NBR1: variants seen among roughly 807,000 people sequenced by gnomAD.
NBR1 encodes NBR1 autophagy cargo receptor.
Under a neutral mutation model 115.5 loss-of-function variants are expected in NBR1, and 59 were observed. The observed-to-expected ratio is 0.51, with a 90% confidence interval of 0.41 to 0.63. The LOEUF (loss-of-function observed/expected upper bound fraction) is 0.63, where lower values mean the gene tolerates loss of function less well. Ranked by LOEUF, NBR1 falls within the 30% of genes least tolerant of loss-of-function variation. The pLI is 0.00. For missense variants in NBR1, 1,043 were observed against 1,150.5 expected (o/e 0.91, Z 1.35); for synonymous variants, 373 against 414.7 (o/e 0.90, Z 1.22).
chr17:43,199,491 C>T (rs529802156), intron 16 of NBR1, among the ~76,000 whole-genome samples: 12 of 152,124 alleles, frequency 7.9e-5, no homozygotes, highest in African/African-American at 2.9e-4. Context: ...TCTCCTGCCT[C>T]AGCCTCCCGA....
chr17:43,185,812 CAT>C (rs1167839254), intron 5 of NBR1, among the ~76,000 whole-genome samples: 6 of 152,112 alleles, frequency 3.9e-5, no homozygotes, highest in East Asian at 3.9e-4. Flanking sequence ...GCCTAGCCAA[CAT>C]AGTGAAACCC....
At chr17:43,209,071 A>C in intron 20 of NBR1, among the ~76,000 whole-genome samples, 1 of 150,772 alleles carries the variant, frequency 6.6e-6, no homozygotes. Flanking sequence ...ACTTCCTCTT[A>C]CCTATTCTTG....
intron 13 of NBR1, 142 bp from the exon 14 acceptor site, chr17:43,194,822 T>C (rs2057029995): frequency 1.5e-6 from 1 of 669,614 alleles, no homozygotes; most frequent in East Asian, 2.8e-5. Context: ...CCCATTTAAC[T>C]CTTCTTGTTT....
At position 43,203,791 on chromosome 17, in the gene NBR1, G is replaced by T; in HGVS notation, c.2727+5G>T. 6.5e-7 allele frequency: 1 copy of T among 1,546,348 alleles called. No individual in the cohort carries two copies. The highest frequency in any genetic ancestry group is 1.9e-5 in the Admixed American group (1 of 52,210). ...GGGCCACCAGTCACTGCACAGGTCA[G>T]TGTGTGTGTTTTATTTTCCTGAATC... On this transcript the variant is annotated splice_donor_5th_base_variant and intron_variant, in intron 20 of 20. Transcript: ENST00000590996.
Position 43,200,368 on chromosome 17 carries a change from G to C in NBR1, c.2228G>C (p.Ser743Thr), listed in dbSNP as rs780064051. ...ATCCTGCCTGAGTGCTTTGATACCAGCCGCCCCCTGGGGGATTCTATGTAC... is the reference window on the plus strand; with the variant it reads ...ATCCTGCCTGAGTGCTTTGATACCACCCGCCCCCTGGGGGATTCTATGTAC... ...IIILPECFDT[S>T]RPLGDSMYSS... is the part of the protein sequence containing the mutation. The change falls in exon 17 of 21, where the codon AGC becomes ACC. Residue 743 changes from serine (S) to threonine (T), a missense_variant. Transcript: ENST00000590996. 8 of 1,565,718 alleles carry C rather than the reference G, an allele frequency of 5.1e-6. No homozygotes were observed. The highest frequency in any genetic ancestry group is 6.9e-6 in the Non-Finnish European group (8 of 1,155,202).
chr17:43,186,239 T>C lies in NBR1; in HGVS notation c.208-11T>C. ...CGTCGCATGTTTTTGTTTCATAATG[T>C]ATGCTCTTAGATGGCAGTTAAACAG... On this transcript the variant is annotated splice_polypyrimidine_tract_variant and intron_variant, in intron 5 of 20. Transcript: ENST00000590996. 1 of 1,555,132 alleles carries C rather than the reference T, an allele frequency of 6.4e-7. No homozygotes were observed. The highest frequency in any genetic ancestry group is 2.4e-5 in the East Asian group (1 of 41,640).
intron 2 of NBR1, 27 bp from the exon 3 acceptor site, chr17:43,177,909 G>T: frequency 6.8e-7 from 1 of 1,462,204 alleles, no homozygotes; most frequent in Non-Finnish European, 9.2e-7. Context: ...ATTATAACCT[G>T]CCTTTAAATA....
intron 20 of NBR1, chr17:43,209,608 C>G: frequency 6.5e-7 from 1 of 1,535,590 alleles, no homozygotes; most frequent in Non-Finnish European, 8.7e-7. Context: ...ATGCTTCTTC[C>G]TGAAAGCCCC....
intron 20 of NBR1, chr17:43,209,422 A>C (rs1233331532): frequency 1.5e-6 from 1 of 687,116 alleles, no homozygotes; most frequent in East Asian, 2.8e-5. Context: ...AAGCCTTCCC[A>C]GGTTGTAATT....
chr17:43,205,284 G>A (rs1380481640), intron 20 of NBR1, among the ~76,000 whole-genome samples: 4 of 152,078 alleles, frequency 2.6e-5, no homozygotes, highest in Admixed American at 2.6e-4. Context: ...AACCTGGGAG[G>A]TGGAGGTTGC....
intron 2 of NBR1, 181 bp downstream of exon 2, chr17:43,176,082 A>C (rs2056509834): frequency 2.2e-6 from 1 of 459,680 alleles, no homozygotes. Context: ...GCCCCAATAA[A>C]GGGAACCAAC....
At chr17:43,200,714 A>T (rs953947919) in intron 17 of NBR1, 106 bp downstream of exon 17, 1 of 937,798 alleles carries the variant, frequency 1.1e-6, no homozygotes, top group South Asian at 1.9e-5. Flanking sequence ...GAAAGAGACT[A>T]TTTTCCATAG....
chr17:43,196,695 T>C, intron 15 of NBR1, 104 bp downstream of exon 15: 1 of 943,836 alleles, frequency 1.1e-6, no homozygotes, highest in Non-Finnish European at 1.6e-6. Flanking sequence ...GTAAATGGGC[T>C]TGCTTTCTGT....
chr17:43,177,927 C>A lies in NBR1; in HGVS notation c.103-9C>A. The A allele has an allele frequency of 2.0e-6, 3 of 1,518,770 alleles. No individual in the cohort carries two copies. Among genetic ancestry groups the A allele is most frequent in the Non-Finnish European group, 2.7e-6 (3 of 1,115,258 alleles). 94.1% of individuals were successfully genotyped at this position (1,518,770 alleles called of 1,614,324 possible). On this transcript the variant is annotated splice_polypyrimidine_tract_variant and intron_variant, in intron 2 of 20. Transcript: ENST00000590996. ...ATAACCTGCCTTTAAATATGTATCT[C>A]TTTTATAGGTAAAAGTTTCATTTGA...
At chr17:43,183,770 A>G (rs191304561) in intron 5 of NBR1, among the ~76,000 whole-genome samples, 279 of 151,160 alleles carry the variant, frequency 1.8e-3, no homozygotes, top group African/African-American at 6.2e-3. Flanking sequence ...AGCAATTCTC[A>G]TACCTCAGCC....
chr17:43,209,415 C>T lies in NBR1; in HGVS notation c.2728-486C>T, dbSNP rs191209816. 7.4e-4 allele frequency: 494 copies of T among 666,022 alleles called. 7 individuals carry two copies. In the Admixed American group the frequency reaches 0.012, roughly 16 times the overall value. The allele number at this position is 666,022 out of a possible 1,614,324, so 41.3% of individuals were successfully genotyped here. On this transcript the variant is annotated intron_variant, in intron 20 of 20. Transcript: ENST00000590996. ...TTTTGGAGGAGAAAAAATCAAGAAGCCTTCCCAGGTTGTAATTTCCCAAGC... is the reference window on the plus strand; with the variant it reads ...TTTTGGAGGAGAAAAAATCAAGAAGTCTTCCCAGGTTGTAATTTCCCAAGC...
rs2057418812 is a variant in NBR1 at position 43,211,673 on chromosome 17, T to C, written c.*1599T>C. 1 of 152,070 alleles carries C rather than the reference T, an allele frequency of 6.6e-6. No individual in the cohort carries two copies. The highest frequency in any genetic ancestry group is 2.4e-5 in the African/African-American group (1 of 41,408). The allele number at this position is 152,070 out of a possible 1,614,324, so 9.4% of individuals were successfully genotyped here. A position where few individuals can be genotyped will look rare whatever the true frequency, so the allele number is the denominator to read the frequency against. The stretch of plus-strand genomic sequence containing the variant: ...CACCTAAAGAATGGTGAAATAAATG[T>C]TCTTGGAAATTCCTACCCGGACTGG... On this transcript the variant is annotated 3_prime_UTR_variant, in exon 21 of 21. Coordinates refer to ENST00000590996, the MANE Select transcript of NBR1 (RefSeq NM_005899.5).
Position 43,190,407 on chromosome 17 carries a change from T to C in NBR1, c.696-202T>C, listed in dbSNP as rs2056915749. The stretch of plus-strand genomic sequence containing the variant: ...TCACATCTTACCTTCCTCCCATAGA[T>C]TTTCATTTAAAATGGATATGGGTTA... On this transcript the variant is annotated intron_variant, in intron 8 of 20. Transcript: ENST00000590996. 6 of 574,494 alleles carry C rather than the reference T, an allele frequency of 1.0e-5. No homozygotes were observed. The Admixed American group carries it at 1.7e-4, about 16-fold the overall frequency. The allele number at this position is 574,494 out of a possible 1,614,324, so 35.6% of individuals were successfully genotyped here. A position where few individuals can be genotyped will look rare whatever the true frequency, so the allele number is the denominator to read the frequency against.
intron 1 of NBR1, among the ~76,000 whole-genome samples, chr17:43,175,499 A>G (rs978660045): frequency 2.0e-5 from 3 of 152,214 alleles, no homozygotes; most frequent in Non-Finnish European, 2.9e-5. Flanking sequence ...CTGTTTCCAC[A>G]TGTTTCCAAC....
Sources: gnomAD v4.1 joint callset for allele counts (sites outside exome capture counted in the v4.1 genomes callset) on GRCh38, gnomAD v4.1.1 for gene constraint, MANE v1.5 for transcripts, NCBI Gene and HGNC (gene_info 2026-07-23, HGNC 2026-07-21) for gene names.